The following FGF14 variants were observed in gnomAD, a reference collection of about 807,000 sequenced individuals.
The protein encoded by FGF14 is fibroblast growth factor homologous factor 4.
Under a neutral mutation model 25.5 loss-of-function variants are expected in FGF14, and 5 were observed. The ratio of observed to expected loss-of-function variants is 0.20; its 90% confidence interval spans 0.10 to 0.41. The LOEUF (loss-of-function observed/expected upper bound fraction) is 0.41. Ranked by LOEUF, FGF14 falls within the 10% of genes least tolerant of loss-of-function variation. The pLI is 1.00. For synonymous variants in FGF14, 138 were observed against 118.3 expected (o/e 1.17, Z -1.08); for missense variants, 222 against 320.1 (o/e 0.69, Z 2.34).
chr13:101,902,126 A>G (rs2031642792), intron 1 of FGF14, among the ~76,000 whole-genome samples: 1 of 152,216 alleles, frequency 6.6e-6, no homozygotes, highest in African/African-American at 2.4e-5. Context: ...ATTATTCAAA[A>G]CAAAAAGTGC....
chr13:101,975,447 C>T (rs1404813286), intron 1 of FGF14, among the ~76,000 whole-genome samples: 1 of 152,108 alleles, frequency 6.6e-6, no homozygotes, highest in African/African-American at 2.4e-5. Context: ...CTGAGCGTTC[C>T]TTCTTGTTCT....
chr13:102,134,681 T>C (rs544739340), intron 1 of FGF14, among the ~76,000 whole-genome samples: 125 of 152,320 alleles, frequency 8.2e-4, no homozygotes, highest in Admixed American at 1.6e-3. Context: ...AACAATATAA[T>C]GACCAGCGTG....
intron 1 of FGF14, among the ~76,000 whole-genome samples, chr13:102,158,588 T>A (rs948694165): frequency 6.6e-6 from 1 of 151,468 alleles, no homozygotes; most frequent in Non-Finnish European, 1.5e-5. Flanking sequence ...AGTTAATGGG[T>A]GCAGCACACC....
intron 1 of FGF14, among the ~76,000 whole-genome samples, chr13:102,130,122 TCATTAA>T (rs1468042829): frequency 1.1e-4 from 16 of 152,314 alleles, no homozygotes; most frequent in African/African-American, 3.8e-4. Context: ...ATTACTATTG[TCATTAA>T]CATTAACACT....
rs72662470 is a variant in FGF14 at position 101,965,260 on chromosome 13, A to C, written c.209-89964T>G. Among the ~76,000 whole-genome samples, 78 of 150,774 alleles carry C rather than the reference A, an allele frequency of 5.2e-4. 2 individuals carry two copies. Among genetic ancestry groups the C allele is most frequent in the Non-Finnish European group, 9.0e-4 (61 of 67,784 alleles). Reference sequence around the variant, plus strand: ...CAAGACTGTCTAAAAAAAAAAAAAAAACCTCCTCTTGTGGTTAACTACAGA... The same window carrying C: ...CAAGACTGTCTAAAAAAAAAAAAAACACCTCCTCTTGTGGTTAACTACAGA... On this transcript the variant is annotated intron_variant, in intron 1 of 4. Coordinates refer to the FGF14 transcript ENST00000376131.
intron 1 of FGF14, among the ~76,000 whole-genome samples, chr13:102,126,807 T>C (rs2045968290): frequency 1.3e-5 from 2 of 152,210 alleles, no homozygotes; most frequent in African/African-American, 4.8e-5. Context: ...ATTACCATCA[T>C]TAGCCACATT....
At chr13:101,766,455 C>T (rs1453223141) in intron 3 of FGF14, among the ~76,000 whole-genome samples, 1 of 152,120 alleles carries the variant, frequency 6.6e-6, no homozygotes, top group Admixed American at 6.6e-5. Flanking sequence ...ATTTAGCAGA[C>T]TCTTGCAATA....
chr13:101,768,912 G>A (rs1400152825), intron 3 of FGF14, among the ~76,000 whole-genome samples: 2 of 152,086 alleles, frequency 1.3e-5, no homozygotes, highest in African/African-American at 4.8e-5. Context: ...GTTGTGCTAT[G>A]ACTTTCATAT....
chr13:101,780,541 G>T (rs940965588), intron 3 of FGF14, among the ~76,000 whole-genome samples: 1 of 152,148 alleles, frequency 6.6e-6, no homozygotes, highest in African/African-American at 2.4e-5. Context: ...AATCTCCACT[G>T]TTGACTTGTC....
chr13:102,246,152 C>T (rs1307705517), intron 1 of FGF14, among the ~76,000 whole-genome samples: 1 of 152,064 alleles, frequency 6.6e-6, no homozygotes, highest in African/African-American at 2.4e-5. Flanking sequence ...GATACATTCA[C>T]AGAATTCATC....
chr13:102,331,701 G>A (rs191025962), intron 1 of FGF14, among the ~76,000 whole-genome samples: 1 of 152,096 alleles, frequency 6.6e-6, no homozygotes, highest in Non-Finnish European at 1.5e-5. Flanking sequence ...TACATGAAAC[G>A]CACAATGAAG....
chr13:102,063,721 A>C (rs1047356238), intron 1 of FGF14, among the ~76,000 whole-genome samples: 1 of 152,218 alleles, frequency 6.6e-6, no homozygotes, highest in Non-Finnish European at 1.5e-5. Context: ...CTGAAGATAC[A>C]GGTAATGCAA....
intron 1 of FGF14, among the ~76,000 whole-genome samples, chr13:102,107,683 T>C (rs749097285): frequency 6.6e-6 from 1 of 152,192 alleles, no homozygotes; most frequent in Non-Finnish European, 1.5e-5. Flanking sequence ...GCAGCAATGA[T>C]GTCAAAATGA....
chr13:102,017,147 T>G, intron 1 of FGF14: 1 of 233,480 alleles, frequency 4.3e-6, no homozygotes, highest in Non-Finnish European at 8.6e-6. Flanking sequence ...CATCCCCAAG[T>G]ATGCTGCTAG....
intron 1 of FGF14, among the ~76,000 whole-genome samples, chr13:102,223,520 A>C (rs1206344472): frequency 6.6e-6 from 1 of 152,136 alleles, no homozygotes; most frequent in East Asian, 1.9e-4. Context: ...ATTTGATATG[A>C]TAGTTTTATT....
intron 1 of FGF14, among the ~76,000 whole-genome samples, chr13:102,060,724 G>C (rs2042648294): frequency 6.6e-6 from 1 of 152,150 alleles, no homozygotes; most frequent in South Asian, 2.1e-4. Context: ...GGAAGTGCTG[G>C]GTAGATAAGG....
chr13:101,965,675 G>GT (rs201323636), intron 1 of FGF14, among the ~76,000 whole-genome samples: 32,599 of 143,478 alleles, frequency 0.23, 3,775 homozygotes, highest in East Asian at 0.42. Context: ...TTTTGTGTTA[G>GT]TTTTTTTTTT....
chr13:101,930,465 G>A (rs1399201115), intron 1 of FGF14, among the ~76,000 whole-genome samples: 1 of 152,144 alleles, frequency 6.6e-6, no homozygotes, highest in African/African-American at 2.4e-5. Context: ...GATAAACACA[G>A]AAATGAATCT....
intron 1 of FGF14, among the ~76,000 whole-genome samples, chr13:102,106,107 A>T (rs1454284566): frequency 2.0e-5 from 3 of 152,196 alleles, no homozygotes; most frequent in African/African-American, 7.2e-5. Flanking sequence ...GCTAGAAAAA[A>T]TATTATTCCC....
Sources: allele counts gnomAD v4.1 joint callset (sites outside exome capture counted in the v4.1 genomes callset), GRCh38; gene constraint gnomAD v4.1.1; transcripts MANE v1.5; gene names NCBI Gene and HGNC (gene_info 2026-07-23, HGNC 2026-07-21).